Variants in RIMS1 observed in about 807,000 individuals in gnomAD.
RIMS1 encodes the protein regulating synaptic membrane exocytosis protein 1.
In RIMS1, 83 loss-of-function variants were observed where a neutral mutation model predicts 214.1. The observed-to-expected ratio is 0.39, with a 90% CI of 0.32 to 0.47. The LOEUF is 0.47. Among genes scored for constraint, RIMS1 ranks in the 20% least tolerant of loss-of-function variants. The probability of loss-of-function intolerance (pLI) is 0.99; values close to 1 mark genes in which losing one functional copy is unlikely to be tolerated. For synonymous variants in RIMS1, 793 were observed against 786.8 expected (o/e 1.01, Z -0.13); for missense variants, 2,050 against 2,161.8 (o/e 0.95, Z 1.03).
At chr6:72,018,388 A>T (rs1043597824) in intron 2 of RIMS1, among the ~76,000 whole-genome samples, 1 of 152,052 alleles carries the variant, frequency 6.6e-6, no homozygotes, top group South Asian at 2.1e-4. Flanking sequence ...AAATGGATTT[A>T]TGTGTTTGTG....
intron 2 of RIMS1, among the ~76,000 whole-genome samples, chr6:71,987,480 T>A (rs1800365008): frequency 6.6e-6 from 1 of 152,216 alleles, no homozygotes; most frequent in African/African-American, 2.4e-5. Flanking sequence ...CTCTGCCTCA[T>A]GACTTAACTC....
In RIMS1 at chr6:72,062,667, G is replaced by C. The variant is rs1301226573; in HGVS notation, c.246-34282G>C. On this transcript the variant is annotated intron_variant, in intron 2 of 33. Coordinates refer to ENST00000521978, the MANE Select transcript of RIMS1 (RefSeq NM_014989.7). Reference sequence around the variant, plus strand: ...TTAACAAAGTACCAAAAACTGGGGGGCTTATAGCAACAGAAATGTATTGCC... The same window carrying C: ...TTAACAAAGTACCAAAAACTGGGGGCCTTATAGCAACAGAAATGTATTGCC... 2.6e-5 allele frequency among the ~76,000 whole-genome samples: 4 copies of C among 152,202 alleles called. No individual in the cohort carries two copies. In the East Asian group the frequency reaches 7.7e-4, roughly 29 times the overall value.
Position 71,968,681 on chromosome 6 carries a change from A to G in RIMS1, c.165-302A>G, listed in dbSNP as rs145781166. Among the ~76,000 whole-genome samples, 374 of 152,346 alleles carry G rather than the reference A, an allele frequency of 2.5e-3. 3 individuals are homozygous for G. The highest frequency in any genetic ancestry group is 8.0e-3 in the African/African-American group (334 of 41,592). The stretch of plus-strand genomic sequence containing the variant: ...AGCTTTCAGACATCTTCATATGGTC[A>G]TGCCAAAGCTTTCAGTAGCTTTTCT... On this transcript the variant is annotated intron_variant, in intron 1 of 33. Transcript: ENST00000521978.
intron 4 of RIMS1, among the ~76,000 whole-genome samples, chr6:72,110,823 G>A (rs984632789): frequency 2.6e-4 from 40 of 152,248 alleles, no homozygotes; most frequent in African/African-American, 9.1e-4. Context: ...CATTCAGTAT[G>A]ATATTGGCTG....
chr6:72,104,494 A>T (rs995059373), intron 4 of RIMS1, among the ~76,000 whole-genome samples: 2 of 152,194 alleles, frequency 1.3e-5, no homozygotes, highest in Non-Finnish European at 2.9e-5. Context: ...GCAGTTACTT[A>T]TAATGGAGCT....
Position 71,887,131 on chromosome 6 carries a change from C to T in RIMS1, c.108C>T (p.Ile36=), listed in dbSNP as rs1402340438. ...TGACCGAAGAGGAGAGGAACATTAT[C>T]ATGGCAGTGATGGACCGGCAGAAGG... ...SHLTEEERNI[I]MAVMDRQKEE... The change falls in exon 1 of 34, where the codon ATC becomes ATT. Residue 36 remains isoleucine, a synonymous_variant. Transcript: ENST00000521978. 6.2e-7 allele frequency: 1 copy of T among 1,613,378 alleles called. No homozygotes were observed. Among genetic ancestry groups the T allele is most frequent in the Non-Finnish European group, 8.5e-7 (1 of 1,179,628 alleles).
At chr6:72,093,210 G>GTA (rs368970705) in intron 2 of RIMS1, among the ~76,000 whole-genome samples, 1,332 of 56,506 alleles carry the variant, frequency 0.024, 47 homozygotes, top group Admixed American at 0.055. Flanking sequence ...ATGTATGTGA[G>GTA]TATATATATA....
chr6:72,232,111 A>G (rs186053110), intron 6 of RIMS1, among the ~76,000 whole-genome samples: 3 of 151,478 alleles, frequency 2.0e-5, no homozygotes, highest in African/African-American at 7.2e-5. Context: ...TTAATGATCA[A>G]TTTTTCTTTT....
In RIMS1 at chr6:72,274,474, G is replaced by A. The variant is rs78122954; in HGVS notation, c.3482+42G>A. ...CCTCACAGACAAGTGGCTTCTAGAA[G>A]CTTATAGGCCACCAACTGAAGGATA... On this transcript the variant is annotated intron_variant, in intron 23 of 33. Transcript: ENST00000521978. 918 of 1,449,836 alleles carry A rather than the reference G, an allele frequency of 6.3e-4. 9 individuals carry two copies. In the East Asian group the frequency reaches 0.019, roughly 29 times the overall value. 89.8% of individuals were successfully genotyped at this position (1,449,836 alleles called of 1,614,324 possible).
intron 2 of RIMS1, among the ~76,000 whole-genome samples, chr6:72,001,953 T>C (rs1452906193): frequency 6.6e-6 from 1 of 152,182 alleles, no homozygotes; most frequent in Non-Finnish European, 1.5e-5. Context: ...AAAATGTTCA[T>C]TTTATCTTCA....
chr6:72,254,774 G>A (rs184310620), intron 16 of RIMS1, among the ~76,000 whole-genome samples: 33 of 152,238 alleles, frequency 2.2e-4, no homozygotes, highest in African/African-American at 7.5e-4. Flanking sequence ...CACTAGAGAT[G>A]GGATTAGTGC....
At chr6:71,941,143 G>A (rs1785997412) in intron 1 of RIMS1, among the ~76,000 whole-genome samples, 1 of 151,772 alleles carries the variant, frequency 6.6e-6, no homozygotes, top group Non-Finnish European at 1.5e-5. Flanking sequence ...ATTTAGTTCA[G>A]TACTCACCGA....
chr6:72,246,320 A>G (rs2069678158), intron 11 of RIMS1, among the ~76,000 whole-genome samples: 1 of 152,194 alleles, frequency 6.6e-6, no homozygotes, highest in East Asian at 1.9e-4. Flanking sequence ...TGGGTGGAGT[A>G]AACTTCATTA....
intron 2 of RIMS1, among the ~76,000 whole-genome samples, chr6:71,997,527 G>GA (rs1389288456): frequency 6.6e-6 from 1 of 152,160 alleles, no homozygotes; most frequent in Non-Finnish European, 1.5e-5. Context: ...TGAAATGTTA[G>GA]AAATCATCAC....
At chr6:72,374,205 G>C (rs185400549) in intron 29 of RIMS1, among the ~76,000 whole-genome samples, 4 of 152,246 alleles carry the variant, frequency 2.6e-5, no homozygotes, top group Admixed American at 2.6e-4. Flanking sequence ...GAGCCACTGC[G>C]CCTGGCCCTA....
chr6:71,976,330 C>T (rs911124524), intron 2 of RIMS1, among the ~76,000 whole-genome samples: 1 of 152,018 alleles, frequency 6.6e-6, no homozygotes, highest in Non-Finnish European at 1.5e-5. Flanking sequence ...TTTTCATGGG[C>T]TTATTGGCTA....
intron 2 of RIMS1, among the ~76,000 whole-genome samples, chr6:72,035,273 A>G (rs1354617365): frequency 1.3e-5 from 2 of 152,168 alleles, no homozygotes; most frequent in African/African-American, 2.4e-5. Flanking sequence ...GGTGTTGTTA[A>G]TATATCAGAT....
At chr6:72,007,678 C>A (rs1217675890) in intron 2 of RIMS1, among the ~76,000 whole-genome samples, 1 of 152,158 alleles carries the variant, frequency 6.6e-6, no homozygotes, top group Non-Finnish European at 1.5e-5. Context: ...GTGACGAATG[C>A]ACAAGCTTCA....
At chr6:72,149,563 C>T (rs76408190) in intron 4 of RIMS1, among the ~76,000 whole-genome samples, 1 of 152,290 alleles carries the variant, frequency 6.6e-6, no homozygotes, top group East Asian at 1.9e-4. Flanking sequence ...CTCCCCACAT[C>T]CTGTCCTCTG....
Sources: gnomAD v4.1 joint callset for allele counts (sites outside exome capture counted in the v4.1 genomes callset) on GRCh38, gnomAD v4.1.1 for gene constraint, MANE v1.5 for transcripts, NCBI Gene and HGNC (gene_info 2026-07-23, HGNC 2026-07-21) for gene names.